METTL15: variants seen among roughly 807,000 people sequenced by gnomAD.
The protein encoded by METTL15 is methyltransferase 15, mitochondrial 12S rRNA N4-cytidine.
In METTL15, 34 loss-of-function variants were observed where a neutral mutation model predicts 38.3. That is an observed-to-expected ratio of 0.89 (90% CI 0.68 to 1.18). The LOEUF is 1.18. METTL15 is among the 50% of genes most tolerant of loss of function. The pLI is 0.00. For synonymous variants in METTL15, 162 were observed against 170.9 expected, an observed-to-expected ratio of 0.95 and a Z score of 0.41; for missense variants, 438 against 498.4, an observed-to-expected ratio of 0.88 and a Z score of 1.15.
At chr11:28,349,694 A>T (rs1239266711) in intron 3 of METTL15, among the ~76,000 whole-genome samples, 1 of 152,194 alleles carries the variant, frequency 6.6e-6, no homozygotes, top group Non-Finnish European at 1.5e-5. Flanking sequence ...TAGGCATGTA[A>T]TTCAATGAGT....
intron 4 of METTL15, among the ~76,000 whole-genome samples, chr11:28,238,874 C>T (rs982416115): frequency 6.6e-6 from 1 of 152,148 alleles, no homozygotes; most frequent in Non-Finnish European, 1.5e-5. Flanking sequence ...GTGGTTAGTT[C>T]TGATTTTTCT....
intron 4 of METTL15, among the ~76,000 whole-genome samples, chr11:28,285,255 G>T (rs1856208117): frequency 6.6e-6 from 1 of 152,088 alleles, no homozygotes; most frequent in Admixed American, 6.6e-5. Flanking sequence ...AACATACATG[G>T]TTTAAAGCAA....
chr11:28,277,722 A>G (rs1020203703), intron 4 of METTL15, among the ~76,000 whole-genome samples: 1 of 152,074 alleles, frequency 6.6e-6, no homozygotes, highest in Non-Finnish European at 1.5e-5. Context: ...CAGCAACAAA[A>G]AAAATGGAAT....
chr11:28,232,072 T>A (rs570531236), intron 4 of METTL15, among the ~76,000 whole-genome samples: 3 of 151,904 alleles, frequency 2.0e-5, no homozygotes, highest in African/African-American at 7.2e-5. Context: ...CATTTTACAA[T>A]GTAAATAGAA....
chr11:28,467,406 G>C (rs1440905381), intron 6 of METTL15, among the ~76,000 whole-genome samples: 4 of 152,176 alleles, frequency 2.6e-5, no homozygotes, highest in Admixed American at 2.6e-4. Flanking sequence ...TCAGCTCCCA[G>C]GCCTTCGACA....
chr11:28,282,522 T>C (rs964690733), intron 4 of METTL15, among the ~76,000 whole-genome samples: 9 of 152,242 alleles, frequency 5.9e-5, no homozygotes, highest in African/African-American at 1.9e-4. Context: ...CCTTGCATAA[T>C]GTCTATCAAC....
intron 4 of METTL15, among the ~76,000 whole-genome samples, chr11:28,279,185 C>T (rs984131996): frequency 2.0e-5 from 3 of 152,094 alleles, no homozygotes; most frequent in African/African-American, 7.2e-5. Context: ...ATATGATGAC[C>T]TGGTGAATTG....
chr11:28,121,105 A>G (rs879572649), intron 3 of METTL15, among the ~76,000 whole-genome samples: 3 of 152,166 alleles, frequency 2.0e-5, no homozygotes, highest in Admixed American at 6.5e-5. Flanking sequence ...TTGTGCTTTT[A>G]AATAATCTTA....
At chr11:28,212,587 A>C (rs1157364529) in intron 4 of METTL15, among the ~76,000 whole-genome samples, 1 of 152,194 alleles carries the variant, frequency 6.6e-6, no homozygotes, top group Non-Finnish European at 1.5e-5. Context: ...CATATAACCT[A>C]CACACATCCT....
At chr11:28,236,059 G>C (rs1336705781) in intron 4 of METTL15, among the ~76,000 whole-genome samples, 6 of 152,144 alleles carry the variant, frequency 3.9e-5, no homozygotes, top group Non-Finnish European at 8.8e-5. Context: ...CATGTATTGA[G>C]ATAATCATGT....
chr11:28,219,625 C>T (rs764402169), intron 4 of METTL15, among the ~76,000 whole-genome samples: 2 of 151,984 alleles, frequency 1.3e-5, no homozygotes, highest in African/African-American at 2.4e-5. Flanking sequence ...TGTGCTCTTG[C>T]TTCTCTAGTT....
chr11:28,478,117 C>T (rs571187590), intron 6 of METTL15, among the ~76,000 whole-genome samples: 1,791 of 152,084 alleles, frequency 0.012, 20 homozygotes, highest in Non-Finnish European at 0.016. Context: ...TATTTTAGAC[C>T]TATGTCCATG....
chr11:28,423,927 T>G (rs751898197), intron 5 of METTL15, among the ~76,000 whole-genome samples: 12 of 152,138 alleles, frequency 7.9e-5, no homozygotes, highest in Non-Finnish European at 1.5e-4. Context: ...ATGTGATTAT[T>G]ACACATGCAT....
chr11:28,124,515 A>G lies in METTL15; in HGVS notation c.270+10911A>G, dbSNP rs763454609. On this transcript the variant is annotated intron_variant, in intron 3 of 6. Coordinates refer to ENST00000407364, the MANE Select transcript of METTL15 (RefSeq NM_001113528.2). ...ATATTTATAATGACAGTATCAGAAG[A>G]TAAATTGCTCAAAGAAAGATATGGG... Among the ~76,000 whole-genome samples the G allele has an allele frequency of 7.2e-5, 11 of 152,120 alleles. 1 individual carries two copies. Among genetic ancestry groups the G allele is most frequent in the Non-Finnish European group, 1.3e-4 (9 of 68,006 alleles).
chr11:28,234,537 G>T (rs1197786425), intron 4 of METTL15, among the ~76,000 whole-genome samples: 3 of 151,736 alleles, frequency 2.0e-5, no homozygotes, highest in African/African-American at 7.3e-5. Context: ...GTTTTGATTT[G>T]CATTTTTCTG....
At chr11:28,143,284 CTT>C (rs1849762233) in intron 3 of METTL15, among the ~76,000 whole-genome samples, 1 of 152,014 alleles carries the variant, frequency 6.6e-6, no homozygotes, top group South Asian at 2.1e-4. Flanking sequence ...CTTGAGGAGT[CTT>C]ATAGTCAAAA....
At chr11:28,530,976 A>G (rs1461918715), downstream of METTL15, among the ~76,000 whole-genome samples, 1 of 151,988 alleles carries the variant, frequency 6.6e-6, no homozygotes, top group African/African-American at 2.4e-5. Flanking sequence ...TTATAGAACT[A>G]GTCCTATAAT....
chr11:28,178,776 C>A (rs1196755710), intron 3 of METTL15, among the ~76,000 whole-genome samples: 1 of 151,634 alleles, frequency 6.6e-6, no homozygotes, highest in East Asian at 1.9e-4. Flanking sequence ...AAATCTTATT[C>A]ATTGCGAATA....
At chr11:28,151,480 C>A (rs530375694) in intron 3 of METTL15, among the ~76,000 whole-genome samples, 3 of 152,024 alleles carry the variant, frequency 2.0e-5, no homozygotes, top group Admixed American at 6.6e-5. Flanking sequence ...TTTACCTCTT[C>A]AACCTCCCCT....
Sources: allele counts gnomAD v4.1 joint callset (sites outside exome capture counted in the v4.1 genomes callset), GRCh38; gene constraint gnomAD v4.1.1; transcripts MANE v1.5; gene names NCBI Gene and HGNC (gene_info 2026-07-23, HGNC 2026-07-21).